AGAP1: variants seen among roughly 807,000 people sequenced by gnomAD.
AGAP1 encodes arf-GAP with GTPase, ANK repeat and PH domain-containing protein 1.
Under a neutral mutation model 105.3 loss-of-function variants are expected in AGAP1, and 29 were observed. The ratio of observed to expected loss-of-function variants is 0.28; its 90% confidence interval spans 0.21 to 0.38. AGAP1 has a LOEUF of 0.38. Ranked by LOEUF, AGAP1 falls within the 10% of genes least tolerant of loss-of-function variation. The pLI, the probability that AGAP1 is intolerant of heterozygous loss-of-function variation, is 1.00. For synonymous variants in AGAP1, 509 were observed against 485.9 expected, an observed-to-expected ratio of 1.05 and a Z score of -0.63; for missense variants, 998 against 1,165.1, an observed-to-expected ratio of 0.86 and a Z score of 2.09.
Position 236,123,920 on chromosome 2 carries a change from A to G in AGAP1, c.2372A>G (p.Tyr791Cys). 1 of 1,612,632 alleles carries G rather than the reference A, an allele frequency of 6.2e-7. No individual in the cohort carries two copies. Among genetic ancestry groups the G allele is most frequent in the Non-Finnish European group, 8.5e-7 (1 of 1,179,798 alleles). The change falls in exon 18 of 18, where the codon TAC (tyrosine) becomes TGC (cysteine). Residue 791 changes from tyrosine (Y) to cysteine (C), a missense_variant and splice_region_variant. Around this residue, in one of 3 missense-constraint regions of AGAP1, gnomAD observed 235 missense variants for 270.7 expected, o/e 0.87. Transcript: ENST00000304032. The surrounding 1 kb of genome is among the most constrained non-coding windows in gnomAD (Gnocchi z 4.6). ...NVVLAQLLIW[Y>C]GVDVTARDAH... ...ATGTGGGCTCCCTTACCTCCGCAGTACGGAGTGGACGTCACGGCCCGAGAT... is the reference window on the plus strand; with the variant it reads ...ATGTGGGCTCCCTTACCTCCGCAGTGCGGAGTGGACGTCACGGCCCGAGAT...
At chr2:235,928,509 A>G (rs2052563457) in intron 11 of AGAP1, among the ~76,000 whole-genome samples, 1 of 152,178 alleles carries the variant, frequency 6.6e-6, no homozygotes, top group South Asian at 2.1e-4. Flanking sequence ...GATTCCTGCC[A>G]TGCTCACCAT....
chr2:235,674,429 G>A (rs1948613235), intron 1 of AGAP1, among the ~76,000 whole-genome samples: 1 of 152,188 alleles, frequency 6.6e-6, no homozygotes. Context: ...ATGCCGTCTG[G>A]GCCGGCCCTG....
At chr2:235,509,636 C>T (rs1471829023) in intron 1 of AGAP1, among the ~76,000 whole-genome samples, 1 of 152,118 alleles carries the variant, frequency 6.6e-6, no homozygotes, top group Admixed American at 6.5e-5. Context: ...CAACCATTCC[C>T]CGACCCCAAC....
Position 235,888,789 on chromosome 2 carries a change from T to C in AGAP1, c.1155+5340T>C, listed in dbSNP as rs566944918. On this transcript the variant is annotated intron_variant, in intron 10 of 17. Coordinates refer to ENST00000304032, the MANE Select transcript of AGAP1 (RefSeq NM_001037131.3). The surrounding 1 kb of genome is among the most constrained non-coding windows in gnomAD (Gnocchi z 4.8). ...GGCCACCCACTGCCCCAGCCTTCCCTGTGGCCACTTCAGCTCCTGCGTGCT... is the reference window on the plus strand; with the variant it reads ...GGCCACCCACTGCCCCAGCCTTCCCCGTGGCCACTTCAGCTCCTGCGTGCT... 2.6e-5 allele frequency among the ~76,000 whole-genome samples: 4 copies of C among 152,026 alleles called. No individual in the cohort carries two copies. Among genetic ancestry groups the C allele is most frequent in the Admixed American group, 1.3e-4 (2 of 15,294 alleles).
chr2:235,990,935 C>G (rs2055539265), intron 13 of AGAP1, among the ~76,000 whole-genome samples: 1 of 152,188 alleles, frequency 6.6e-6, no homozygotes, highest in African/African-American at 2.4e-5. Flanking sequence ...TTCTTTTCTG[C>G]AAAGGCAGCC....
At chr2:235,592,290 A>G in intron 1 of AGAP1, among the ~76,000 whole-genome samples, 1 of 151,766 alleles carries the variant, frequency 6.6e-6, no homozygotes, top group East Asian at 1.9e-4. Context: ...AAGGAGGAGT[A>G]GATGAGCCAT....
In AGAP1 at chr2:235,689,498, T is replaced by A. The variant is rs957141919; in HGVS notation, c.164-19681T>A. Among the ~76,000 whole-genome samples the A allele has an allele frequency of 6.6e-6, 1 of 152,226 alleles. No homozygotes were observed. The highest frequency in any genetic ancestry group is 2.4e-5 in the African/African-American group (1 of 41,448). On this transcript the variant is annotated intron_variant, in intron 1 of 17. Coordinates refer to ENST00000304032, the MANE Select transcript of AGAP1 (RefSeq NM_001037131.3). The surrounding 1 kb of genome is among the most constrained non-coding windows in gnomAD (Gnocchi z 4.2). The stretch of plus-strand genomic sequence containing the variant: ...AATAGCTTGTCCAGGAAAATAATAG[T>A]GCGTTTGTAAGCCAGAGAAAGATGG...
intron 1 of AGAP1, among the ~76,000 whole-genome samples, chr2:235,567,291 G>A (rs193264884): frequency 6.6e-5 from 10 of 152,350 alleles, no homozygotes; most frequent in Admixed American, 5.9e-4. Flanking sequence ...AATGGGAAAA[G>A]GCGGAGCGGT....
intron 9 of AGAP1, among the ~76,000 whole-genome samples, chr2:235,813,440 C>T (rs576066912): frequency 6.6e-6 from 1 of 152,254 alleles, no homozygotes; most frequent in African/African-American, 2.4e-5. Flanking sequence ...TTTTAAGACT[C>T]AGTGTGTCCT....
At chr2:235,886,827 A>G (rs1306328441) in intron 10 of AGAP1, among the ~76,000 whole-genome samples, 1 of 152,146 alleles carries the variant, frequency 6.6e-6, no homozygotes, top group Non-Finnish European at 1.5e-5. Context: ...TTCACAGCCA[A>G]GCATTGGATA....
chr2:235,499,793 T>G (rs1941487966), intron 1 of AGAP1, among the ~76,000 whole-genome samples: 1 of 151,946 alleles, frequency 6.6e-6, no homozygotes, highest in Non-Finnish European at 1.5e-5. Flanking sequence ...AGCTGGGAGG[T>G]CTGGAAGCTG....
Position 235,976,746 on chromosome 2 carries a change from A to ACC in AGAP1, c.1645+8127_1645+8128dup, listed in dbSNP as rs1175852739. Among the ~76,000 whole-genome samples, 3 of 152,038 alleles carry ACC rather than the reference A, an allele frequency of 2.0e-5. No homozygotes were observed. Among genetic ancestry groups the ACC allele is most frequent in the Non-Finnish European group, 4.4e-5 (3 of 68,014 alleles). On this transcript the variant is annotated intron_variant, in intron 13 of 17. Transcript: ENST00000304032. The surrounding 1 kb of genome is among the most constrained non-coding windows in gnomAD (Gnocchi z 4.5). ...ACTTGGTTATGCAGGAGCACAGGGC[A>ACC]CCCCCAGCTGCCTGGAGGACCTCAG...
At chr2:236,084,815 A>C (rs1272970735) in intron 16 of AGAP1, among the ~76,000 whole-genome samples, 1 of 151,938 alleles carries the variant, frequency 6.6e-6, no homozygotes, top group East Asian at 1.9e-4. Flanking sequence ...GAGGTGGGAG[A>C]ATCACTTGAA....
rs935147442 is a variant in AGAP1 at position 235,574,664 on chromosome 2, T to G, written c.163+79815T>G. ...CAGTTAATGAATAGTCATGTGCATTTGACCCCTAAAAGGAAGGTCTTTTGC... is the reference window on the plus strand; with the variant it reads ...CAGTTAATGAATAGTCATGTGCATTGGACCCCTAAAAGGAAGGTCTTTTGC... On this transcript the variant is annotated intron_variant, in intron 1 of 17. Transcript: ENST00000304032. This position sits in a 1 kb window ranked among gnomAD's most constrained non-coding sequence, Gnocchi z 5.0. 2.0e-5 allele frequency among the ~76,000 whole-genome samples: 3 copies of G among 152,216 alleles called. No homozygotes were observed. The highest frequency in any genetic ancestry group is 2.9e-5 in the Non-Finnish European group (2 of 68,044).
Position 236,012,964 on chromosome 2 carries a change from T to C in AGAP1, c.1646-23597T>C, listed in dbSNP as rs2317302. 0.66 allele frequency among the ~76,000 whole-genome samples: 99,749 copies of C among 151,908 alleles called. 34,142 individuals are homozygous for C. Among genetic ancestry groups the C allele is most frequent in the African/African-American group, 0.85 (35,369 of 41,490 alleles). On this transcript the variant is annotated intron_variant, in intron 13 of 17. Transcript: ENST00000304032. The surrounding 1 kb of genome is among the most constrained non-coding windows in gnomAD (Gnocchi z 4.9). ...GTTTTGCCATGTTGGCCAGGCTGGT[T>C]TCGAACTTCTGTCCTCAAGTGATCC...
In AGAP1 at chr2:235,943,647, G is replaced by A. The variant is rs142001276; in HGVS notation, c.1483+12724G>A. On this transcript the variant is annotated intron_variant, in intron 12 of 17. Coordinates refer to ENST00000304032, the MANE Select transcript of AGAP1 (RefSeq NM_001037131.3). ...TTACAGGCATGAGTCACCATGCCTGGCCACTTAAAATTTTGGGGGGTATCG... is the reference window on the plus strand; with the variant it reads ...TTACAGGCATGAGTCACCATGCCTGACCACTTAAAATTTTGGGGGGTATCG... 6.8e-3 allele frequency among the ~76,000 whole-genome samples: 1,037 copies of A among 152,258 alleles called. 13 individuals are homozygous for A. Among genetic ancestry groups the A allele is most frequent in the African/African-American group, 0.024 (985 of 41,552 alleles).
intron 1 of AGAP1, among the ~76,000 whole-genome samples, chr2:235,602,341 G>A (rs568516208): frequency 3.3e-5 from 5 of 152,222 alleles, no homozygotes; most frequent in East Asian, 3.9e-4. Flanking sequence ...TAATTCCCTC[G>A]ATTTTGTCTC....
Position 236,078,037 on chromosome 2 carries a change from T to TTGTGTG in AGAP1, c.2114+28788_2114+28793dup, listed in dbSNP as rs9287595. Among the ~76,000 whole-genome samples the TTGTGTG allele has an allele frequency of 0.053, 7,462 of 140,406 alleles. 274 individuals are homozygous for TTGTGTG. Among genetic ancestry groups the TTGTGTG allele is most frequent in the East Asian group, 0.12 (569 of 4,666 alleles). The allele number at this position is 140,406 out of a possible 152,430, so 92.1% of individuals were successfully genotyped here. ...AGGGTTCTCCAGAGAAACAACCAAT[T>TTGTGTG]TGTGTGTGTGTGTGTGTGTGTGTGT... On this transcript the variant is annotated intron_variant, in intron 16 of 17. Coordinates refer to ENST00000304032, the MANE Select transcript of AGAP1 (RefSeq NM_001037131.3). This position sits in a 1 kb window ranked among gnomAD's most constrained non-coding sequence, Gnocchi z 5.3.
chr2:235,822,009 A>C (rs574599991), intron 9 of AGAP1, among the ~76,000 whole-genome samples: 6 of 152,222 alleles, frequency 3.9e-5, no homozygotes, highest in Non-Finnish European at 8.8e-5. Context: ...TCTGTACCAG[A>C]GGCACCTGAC....
Sources: gnomAD v4.1 joint callset for allele counts (sites outside exome capture counted in the v4.1 genomes callset) on GRCh38, gnomAD v4.1.1 for gene constraint, gnomAD v4.1.1 regional missense constraint, Gnocchi (gnomAD v3.1) non-coding constraint, MANE v1.5 for transcripts, NCBI Gene and HGNC (gene_info 2026-07-23, HGNC 2026-07-21) for gene names.